LDAH: variants seen among roughly 807,000 people sequenced by gnomAD.
LDAH encodes the protein lipid droplet-associated hydrolase.
Under a neutral mutation model 29.6 loss-of-function variants are expected in LDAH, and 26 were observed. The observed-to-expected ratio is 0.88, with a 90% CI of 0.64 to 1.22. The LOEUF (loss-of-function observed/expected upper bound fraction) is 1.22, where lower values mean the gene tolerates loss of function less well. LDAH is among the 50% of genes most tolerant of loss of function. The pLI, the probability that LDAH is intolerant of heterozygous loss-of-function variation, is 0.00. For missense variants in LDAH, 344 were observed against 387.3 expected (o/e 0.89, Z 0.94); for synonymous variants, 117 against 133.0 (o/e 0.88, Z 0.83).
At chr2:20,699,066 C>A (rs1382208174) in intron 6 of LDAH, among the ~76,000 whole-genome samples, 1 of 152,192 alleles carries the variant, frequency 6.6e-6, no homozygotes, top group Admixed American at 6.5e-5. Context: ...TTTAGACTAA[C>A]TTTCCTGTGG....
intron 4 of LDAH, among the ~76,000 whole-genome samples, chr2:20,774,481 G>A (rs1669652060): frequency 6.6e-6 from 1 of 152,182 alleles, no homozygotes; most frequent in Non-Finnish European, 1.5e-5. Flanking sequence ...ACAGATTCTT[G>A]TCTAGGTCTT....
rs35921690 is a variant in LDAH at position 20,801,930 on chromosome 2, A to ATGTG, written c.-2-469_-2-466dup. Reference sequence around the variant, plus strand: ...TTACTCTTCTCTTCTCCCAAATTCTATGTGTGTGTGTGTGTGTGTGTGTGT... The same window carrying ATGTG: ...TTACTCTTCTCTTCTCCCAAATTCTATGTGTGTGTGTGTGTGTGTGTGTGTGTGT... On this transcript the variant is annotated intron_variant, in intron 1 of 6. Coordinates refer to ENST00000237822, the MANE Select transcript of LDAH (RefSeq NM_021925.4). Among the ~76,000 whole-genome samples, 862 of 140,212 alleles carry ATGTG rather than the reference A, an allele frequency of 6.1e-3. 9 individuals are homozygous for ATGTG. Among genetic ancestry groups the ATGTG allele is most frequent in the African/African-American group, 0.02 (765 of 37,744 alleles). 92.0% of individuals were successfully genotyped at this position (140,212 alleles called of 152,430 possible). A position where few individuals can be genotyped will look rare whatever the true frequency, so the allele number is the denominator to read the frequency against.
chr2:20,702,893 C>G (rs544136404), intron 5 of LDAH, among the ~76,000 whole-genome samples: 1 of 152,340 alleles, frequency 6.6e-6, no homozygotes, highest in African/African-American at 2.4e-5. Context: ...AGGGCAATGG[C>G]ACGATCGTGG....
chr2:20,741,775 C>T (rs375224598), intron 4 of LDAH, among the ~76,000 whole-genome samples: 66 of 152,144 alleles, frequency 4.3e-4, no homozygotes, highest in African/African-American at 1.5e-3. Flanking sequence ...TTCTCCAGGC[C>T]CATCTACATT....
intron 5 of LDAH, among the ~76,000 whole-genome samples, chr2:20,718,058 A>C (rs1240406304): frequency 6.6e-6 from 1 of 152,244 alleles, no homozygotes; most frequent in Admixed American, 6.5e-5. Flanking sequence ...GAGTTAAAAC[A>C]CACTACCAGA....
intron 5 of LDAH, among the ~76,000 whole-genome samples, chr2:20,722,377 CAAAAAA>C (rs141440507): frequency 5.6e-5 from 4 of 70,840 alleles, no homozygotes; most frequent in Non-Finnish European, 1.0e-4. Context: ...GAAACTGTCT[CAAAAAA>C]AAAAAAAAAA....
At chr2:20,753,597 G>C (rs911970670) in intron 4 of LDAH, among the ~76,000 whole-genome samples, 2 of 152,168 alleles carry the variant, frequency 1.3e-5, no homozygotes, top group African/African-American at 4.8e-5. Flanking sequence ...GAAGAGTGTG[G>C]GGAGGGCAAA....
chr2:20,806,284 A>AATAATATTT (rs1672061452), intron 1 of LDAH, among the ~76,000 whole-genome samples: 1 of 152,180 alleles, frequency 6.6e-6, no homozygotes, highest in African/African-American at 2.4e-5. Flanking sequence ...TCAAATGCCA[A>AATAATATTT]AAACTTTAAA....
intron 5 of LDAH, among the ~76,000 whole-genome samples, chr2:20,739,591 T>G (rs1030836618): frequency 9.2e-5 from 14 of 152,204 alleles, no homozygotes; most frequent in Non-Finnish European, 1.9e-4. Flanking sequence ...CTGTTAACTC[T>G]ACAAGAATAT....
intron 2 of LDAH, among the ~76,000 whole-genome samples, chr2:20,795,364 A>G (rs1459894206): frequency 6.6e-6 from 1 of 152,206 alleles, no homozygotes; most frequent in Non-Finnish European, 1.5e-5. Context: ...GTTGCCATGT[A>G]GACAGACCTA....
intron 5 of LDAH, among the ~76,000 whole-genome samples, chr2:20,731,490 C>G (rs1666405386): frequency 6.6e-6 from 1 of 152,136 alleles, no homozygotes. Flanking sequence ...GCCAATTAAA[C>G]CTCTTTTCTT....
rs183849583 is a variant in LDAH at position 20,797,449 on chromosome 2, G to A, written c.154+3861C>T. ...CACTGAAAGCTGGAAATCCGTCAAT[G>A]AAATGCTGGGTCCCTACTCAATCAC... On this transcript the variant is annotated intron_variant, in intron 2 of 6. Coordinates refer to ENST00000237822, the MANE Select transcript of LDAH (RefSeq NM_021925.4). Among the ~76,000 whole-genome samples the A allele has an allele frequency of 2.6e-3, 397 of 152,306 alleles. 2 individuals are homozygous for A. Among genetic ancestry groups the A allele is most frequent in the Non-Finnish European group, 4.5e-3 (303 of 68,020 alleles).
At position 20,754,305 on chromosome 2, in the gene LDAH, C is replaced by T. The variant is rs146557699; in HGVS notation, c.469-14100G>A. Among the ~76,000 whole-genome samples, 194 of 151,644 alleles carry T rather than the reference C, an allele frequency of 1.3e-3. 1 individual carries two copies. Among genetic ancestry groups the T allele is most frequent in the Admixed American group, 8.5e-3 (129 of 15,214 alleles). On this transcript the variant is annotated intron_variant, in intron 4 of 6. Transcript: ENST00000237822. ...GAGTTTGAAACCAGCCTGGGCAACA[C>T]GGTGAAACCCGTCTCTACTAAAAAA...
intron 3 of LDAH, 127 bp from the exon 4 acceptor site, chr2:20,775,106 T>G: frequency 1.3e-6 from 1 of 757,712 alleles, no homozygotes; most frequent in Non-Finnish European, 2.1e-6. Context: ...GTGCCAGTGA[T>G]AATATTAGGC....
intron 1 of LDAH, among the ~76,000 whole-genome samples, chr2:20,813,739 C>T (rs1672660705): frequency 6.6e-6 from 1 of 152,176 alleles, no homozygotes; most frequent in Non-Finnish European, 1.5e-5. Context: ...CTAAGTGATA[C>T]CACACTTTGT....
intron 4 of LDAH, among the ~76,000 whole-genome samples, chr2:20,744,273 G>T (rs1572529533): frequency 7.3e-6 from 1 of 137,788 alleles, no homozygotes; most frequent in Non-Finnish European, 1.6e-5. Context: ...ATTTTTTCTT[G>T]GTAGCTGGAC....
At chr2:20,821,031 G>T (rs899075803) in intron 1 of LDAH, among the ~76,000 whole-genome samples, 1 of 151,878 alleles carries the variant, frequency 6.6e-6, no homozygotes, top group Non-Finnish European at 1.5e-5. Context: ...ATCATCACTG[G>T]CCATCAGAGA....
At chr2:20,812,854 G>A (rs550916259) in intron 1 of LDAH, among the ~76,000 whole-genome samples, 20 of 152,272 alleles carry the variant, frequency 1.3e-4, no homozygotes, top group African/African-American at 4.8e-4. Flanking sequence ...TGTAAGCCAG[G>A]TACTGTGCTA....
chr2:20,719,486 T>G (rs1665489688), intron 5 of LDAH, among the ~76,000 whole-genome samples: 1 of 151,844 alleles, frequency 6.6e-6, no homozygotes, highest in Non-Finnish European at 1.5e-5. Flanking sequence ...ATAATAATAA[T>G]AAGTCTCCCA....
Sources: gnomAD v4.1 joint callset for allele counts (sites outside exome capture counted in the v4.1 genomes callset) on GRCh38, gnomAD v4.1.1 for gene constraint, MANE v1.5 for transcripts, NCBI Gene and HGNC (gene_info 2026-07-23, HGNC 2026-07-21) for gene names.